OTOGL: variants seen among roughly 807,000 people sequenced by gnomAD.
OTOGL encodes otogelin like, also known as otogelin-like protein.
A neutral mutation model predicts 318.5 loss-of-function variants in OTOGL; 285 were observed. That is an observed-to-expected ratio of 0.89 (90% CI 0.81 to 0.99). The LOEUF (loss-of-function observed/expected upper bound fraction) is 0.99, where lower values mean the gene tolerates loss of function less well. Among genes scored for constraint, OTOGL ranks in the 50% least tolerant of loss-of-function variants. The pLI is 0.00. For missense variants in OTOGL, 2,899 were observed against 2,845.6 expected (o/e 1.02, Z -0.43); for synonymous variants, 987 against 936.5 (o/e 1.05, Z -0.99).
At chr12:80,244,440 G>A (rs534105126) in intron 11 of OTOGL, among the ~76,000 whole-genome samples, 2,606 of 148,396 alleles carry the variant, frequency 0.018, 80 homozygotes, top group African/African-American at 0.062. Context: ...TTGTTCTTGC[G>A]ATAGTTTACT....
chr12:80,209,353 A>C, intron 1 of OTOGL, 60 bp from the exon 2 acceptor site: 1 of 941,460 alleles, frequency 1.1e-6, no homozygotes, highest in Non-Finnish European at 1.5e-6. Context: ...AGTACCCTAC[A>C]AATATGCATA....
At chr12:80,200,287 T>A (rs991474752) in intron 1 of OTOGL, among the ~76,000 whole-genome samples, 3 of 152,204 alleles carry the variant, frequency 2.0e-5, no homozygotes, top group Non-Finnish European at 4.4e-5. Flanking sequence ...AGATGTGAAA[T>A]AGTGCTCTGC....
chr12:80,149,870 C>T (rs1395230086), intron 1 of OTOGL, among the ~76,000 whole-genome samples: 1 of 152,214 alleles, frequency 6.6e-6, no homozygotes, highest in African/African-American at 2.4e-5. Flanking sequence ...TCCCTGACCC[C>T]TTGCACTTCC....
At chr12:80,323,054 AC>A (rs1212017900) in intron 34 of OTOGL, among the ~76,000 whole-genome samples, 1 of 151,872 alleles carries the variant, frequency 6.6e-6, no homozygotes, top group African/African-American at 2.4e-5. Context: ...AAAATTCTAA[AC>A]AAGTGTTTGG....
intron 1 of OTOGL, among the ~76,000 whole-genome samples, chr12:80,180,482 T>C (rs1468364302): frequency 6.6e-6 from 1 of 152,224 alleles, no homozygotes; most frequent in East Asian, 1.9e-4. Flanking sequence ...GAGAGGAGTT[T>C]GCAAAGGCCT....
intron 29 of OTOGL, among the ~76,000 whole-genome samples, chr12:80,307,981 C>T (rs1277323928): frequency 7.1e-6 from 1 of 141,590 alleles, no homozygotes; most frequent in Non-Finnish European, 1.5e-5. Context: ...TCCTCAGTTC[C>T]CAGTAGGGGC....
chr12:80,346,231 T>G (rs1477550714), intron 44 of OTOGL, among the ~76,000 whole-genome samples: 1 of 152,198 alleles, frequency 6.6e-6, no homozygotes, highest in East Asian at 1.9e-4. Flanking sequence ...AAAACTTGCA[T>G]GACCTCAAAA....
intron 43 of OTOGL, among the ~76,000 whole-genome samples, chr12:80,340,624 C>T (rs1219431498): frequency 2.6e-5 from 4 of 152,076 alleles, no homozygotes; most frequent in Admixed American, 2.6e-4. Flanking sequence ...TTATGCTAAC[C>T]AGGGCTCATG....
chr12:80,300,199 C>T (rs1295005506), intron 27 of OTOGL, among the ~76,000 whole-genome samples: 4 of 149,026 alleles, frequency 2.7e-5, no homozygotes, highest in African/African-American at 7.5e-5. Context: ...CTCGATGTGT[C>T]GTGGTTTTTT....
chr12:80,334,953 C>T (rs1464999939), intron 38 of OTOGL, among the ~76,000 whole-genome samples: 2 of 151,754 alleles, frequency 1.3e-5, no homozygotes. Flanking sequence ...AAATTGGACT[C>T]TTAAATTTTG....
At chr12:80,144,284 C>T (rs867488027) in intron 1 of OTOGL, among the ~76,000 whole-genome samples, 56 of 151,988 alleles carry the variant, frequency 3.7e-4, no homozygotes, top group Middle Eastern at 6.8e-3. Context: ...CAATTCCCAC[C>T]TATGAGTGAG....
At chr12:80,170,215 A>ATG (rs1423032334) in intron 1 of OTOGL, among the ~76,000 whole-genome samples, 1,574 of 106,456 alleles carry the variant, frequency 0.015, 26 homozygotes, top group East Asian at 0.015. Flanking sequence ...GTGTGTGTGT[A>ATG]TGTATGTGTG....
chr12:80,249,221 T>C (rs1399597612), intron 11 of OTOGL, among the ~76,000 whole-genome samples: 1 of 149,024 alleles, frequency 6.7e-6, no homozygotes, highest in Non-Finnish European at 1.5e-5. Flanking sequence ...ACTGCGTTCC[T>C]TTGGAGGAGG....
chr12:80,182,343 A>G (rs951713789), intron 1 of OTOGL, among the ~76,000 whole-genome samples: 2 of 152,228 alleles, frequency 1.3e-5, no homozygotes, highest in Admixed American at 6.5e-5. Flanking sequence ...ACTTGCCAGC[A>G]TGCTAGACAG....
At chr12:80,331,435 A>G (rs1373998537) in intron 37 of OTOGL, among the ~76,000 whole-genome samples, 1 of 146,794 alleles carries the variant, frequency 6.8e-6, no homozygotes, top group Non-Finnish European at 1.5e-5. Context: ...CCAACTCCCA[A>G]GTTCAAGCAA....
At chr12:80,119,630 G>A (rs1592467106) in intron 1 of OTOGL, among the ~76,000 whole-genome samples, 1 of 152,096 alleles carries the variant, frequency 6.6e-6, no homozygotes, top group East Asian at 1.9e-4. Context: ...AGAGTTAGTG[G>A]CCCCTTCCCC....
chr12:80,149,895 C>A (rs969507230), intron 1 of OTOGL, among the ~76,000 whole-genome samples: 2 of 152,162 alleles, frequency 1.3e-5, no homozygotes, highest in Non-Finnish European at 2.9e-5. Flanking sequence ...TGAGGCAATG[C>A]CTCACCCTGC....
chr12:80,326,496 T>G (rs1565985928), intron 35 of OTOGL, among the ~76,000 whole-genome samples: 2 of 152,182 alleles, frequency 1.3e-5, no homozygotes, highest in African/African-American at 4.8e-5. Flanking sequence ...AAAAGTATTG[T>G]ACAAGGATGG....
chr12:80,332,271 AC>A (rs1213188239), intron 37 of OTOGL, among the ~76,000 whole-genome samples: 1 of 152,208 alleles, frequency 6.6e-6, no homozygotes, highest in Non-Finnish European at 1.5e-5. Context: ...GTTTTAAGCC[AC>A]TAAATTTGTG....
Sources: gnomAD v4.1 joint callset for allele counts (sites outside exome capture counted in the v4.1 genomes callset) on GRCh38, gnomAD v4.1.1 for gene constraint, MANE v1.5 for transcripts, NCBI Gene and HGNC (gene_info 2026-07-23, HGNC 2026-07-21) for gene names.